The following POFUT4 variants were observed in gnomAD, a reference collection of about 807,000 sequenced individuals.
The protein encoded by POFUT4 is GDP-fucose protein O-fucosyltransferase 4.
chr10:73,772,957 C>T, the POFUT4 span: 121 of 1,605,632 alleles, frequency 7.5e-5, no homozygotes, highest in South Asian at 1.2e-3. Context: ...GCCGCGGCTA[C>T]GCGCCGCTGC....
At chr10:73,778,255 C>T in the POFUT4 span, among the ~76,000 whole-genome samples, 4 of 148,976 alleles carry the variant, frequency 2.7e-5, no homozygotes, top group African/African-American at 4.9e-5. Flanking sequence ...GAGCTGGGCA[C>T]GGTGGCTCAC....
At chr10:73,773,068 G>T in the POFUT4 span, 1 of 1,548,700 alleles carries the variant, frequency 6.5e-7, no homozygotes, top group Non-Finnish European at 8.7e-7. Context: ...CGGAGGGAAG[G>T]AAAAGGAGAG....
At chr10:73,772,666 G>C in the POFUT4 span, 1 of 1,557,784 alleles carries the variant, frequency 6.4e-7, no homozygotes. Context: ...ACCGCCGAGC[G>C]CTGAGGGACT....
At chr10:73,773,535 G>A in the POFUT4 span, 3 of 1,614,112 alleles carry the variant, frequency 1.9e-6, no homozygotes, top group Admixed American at 1.7e-5. Flanking sequence ...GAAATACCTG[G>A]CATACAAGCA....
At chr10:73,777,427 C>A in the POFUT4 span, among the ~76,000 whole-genome samples, 2 of 152,018 alleles carry the variant, frequency 1.3e-5, no homozygotes, top group African/African-American at 2.4e-5. Flanking sequence ...AAAGTCCCAT[C>A]TTCTGCAGTT....
chr10:73,775,653 C>T, the POFUT4 span: 1 of 1,614,138 alleles, frequency 6.2e-7, no homozygotes, highest in Admixed American at 1.7e-5. Flanking sequence ...GGATTACCTA[C>T]ATGAAATCTT....
the POFUT4 span, chr10:73,775,516 TC>T: frequency 5.6e-6 from 9 of 1,614,112 alleles, no homozygotes; most frequent in East Asian, 1.8e-4. Flanking sequence ...AGTTCCATAA[TC>T]CAACCCCCAT....
the POFUT4 span, chr10:73,775,870 T>G: frequency 1.6e-6 from 1 of 614,112 alleles, no homozygotes; most frequent in Admixed American, 3.0e-5. Context: ...ATAGGGCCTC[T>G]CCTCAAGGAG....
At chr10:73,778,070 G>C in the POFUT4 span, among the ~76,000 whole-genome samples, 1 of 149,822 alleles carries the variant, frequency 6.7e-6, no homozygotes, top group Non-Finnish European at 1.5e-5. Context: ...TGCCATGTTG[G>C]CCAGGCTGGT....
the POFUT4 span, chr10:73,772,431 G>A: frequency 1.9e-6 from 3 of 1,567,882 alleles, no homozygotes; most frequent in East Asian, 4.7e-5. Flanking sequence ...AGGGAGGCCG[G>A]CGGGGAGGCG....
the POFUT4 span, chr10:73,773,191 T>C: frequency 6.2e-7 from 1 of 1,607,830 alleles, no homozygotes; most frequent in Non-Finnish European, 8.5e-7. Context: ...CCGGTCTAGG[T>C]AGACTCCTAC....
the POFUT4 span, chr10:73,772,603 G>A: frequency 3.2e-6 from 5 of 1,568,664 alleles, no homozygotes; most frequent in Non-Finnish European, 4.3e-6. Context: ...CCCACTTCCC[G>A]GGAGACTCGG....
chr10:73,772,925 A>G, the POFUT4 span: 15 of 1,609,924 alleles, frequency 9.3e-6, no homozygotes, highest in Admixed American at 1.7e-4. Context: ...GCCTCCGCCC[A>G]TGGAACGCGC....
At chr10:73,775,650 C>T in the POFUT4 span, 1 of 1,614,200 alleles carries the variant, frequency 6.2e-7, no homozygotes, top group Non-Finnish European at 8.5e-7. Flanking sequence ...TTGGGATTAC[C>T]TACATGAAAT....
At chr10:73,775,203 G>A in the POFUT4 span, 2 of 560,064 alleles carry the variant, frequency 3.6e-6, no homozygotes, top group East Asian at 5.6e-5. Flanking sequence ...ATCATCTAAA[G>A]ACCCCTGCCC....
the POFUT4 span, chr10:73,773,613 C>T: frequency 3.7e-6 from 6 of 1,614,236 alleles, no homozygotes; most frequent in Admixed American, 1.0e-4. Context: ...AGTGAATGAT[C>T]CTTTGCTGCC....
chr10:73,773,225 G>A, the POFUT4 span: 24 of 1,613,022 alleles, frequency 1.5e-5, no homozygotes, highest in South Asian at 2.5e-4. Context: ...AGAATCGGGA[G>A]CTGCCTACCG....
chr10:73,775,942 C>T, the POFUT4 span: 2 of 487,462 alleles, frequency 4.1e-6, no homozygotes, highest in Non-Finnish European at 7.4e-6. Context: ...CCATTTGATT[C>T]AAGGTGCTGG....
the POFUT4 span, among the ~76,000 whole-genome samples, chr10:73,778,112 C>T: frequency 7.2e-6 from 1 of 139,292 alleles, no homozygotes; most frequent in African/African-American, 2.7e-5. Context: ...GACCCACCCG[C>T]CTCGGCCTCC....
Sources: gnomAD v4.1 joint callset for allele counts (sites outside exome capture counted in the v4.1 genomes callset) on GRCh38, gnomAD v4.1.1 for gene constraint, MANE v1.5 for transcripts, NCBI Gene and HGNC (gene_info 2026-07-23, HGNC 2026-07-21) for gene names.